WWOX: variants seen among roughly 807,000 people sequenced by gnomAD.
The protein encoded by WWOX is WW domain containing oxidoreductase.
Under a neutral mutation model 46.2 loss-of-function variants are expected in WWOX, and 69 were observed. That is an observed-to-expected ratio of 1.49 (90% CI 1.23 to 1.82). The LOEUF is 1.82. WWOX is among the 40% of genes most tolerant of loss of function. The pLI, the probability that WWOX is intolerant of heterozygous loss-of-function variation, is 0.00. For missense variants in WWOX, 919 were observed against 542.6 expected (o/e 1.69, Z -6.89); for synonymous variants, 359 against 202.6 (o/e 1.77, Z -6.56).
intron 8 of WWOX, among the ~76,000 whole-genome samples, chr16:78,670,334 C>T (rs1402223971): frequency 1.3e-5 from 2 of 152,162 alleles, no homozygotes; most frequent in African/African-American, 2.4e-5. Flanking sequence ...AAGGAAACAC[C>T]TTTCCAAGCT....
intron 5 of WWOX, among the ~76,000 whole-genome samples, chr16:78,375,260 G>T (rs986176491): frequency 6.6e-6 from 1 of 152,166 alleles, no homozygotes; most frequent in African/African-American, 2.4e-5. Context: ...GCACATATCC[G>T]TCACACGCAG....
chr16:78,323,470 T>A (rs1015860588), intron 5 of WWOX, among the ~76,000 whole-genome samples: 1 of 151,688 alleles, frequency 6.6e-6, no homozygotes. Context: ...TAAATTGTTA[T>A]CAGGAGACCC....
intron 8 of WWOX, among the ~76,000 whole-genome samples, chr16:78,619,956 C>A (rs971573252): frequency 3.3e-5 from 5 of 152,098 alleles, no homozygotes; most frequent in Non-Finnish European, 7.4e-5. Context: ...TAGGCCTTAT[C>A]TTTATCTGAG....
intron 8 of WWOX, among the ~76,000 whole-genome samples, chr16:78,548,706 T>A (rs2044106936): frequency 6.6e-6 from 1 of 152,214 alleles, no homozygotes; most frequent in Non-Finnish European, 1.5e-5. Flanking sequence ...TTTAATTAAT[T>A]TTGGAGATGA....
chr16:78,189,681 G>A (rs2035820205), intron 5 of WWOX, among the ~76,000 whole-genome samples: 1 of 152,054 alleles, frequency 6.6e-6, no homozygotes, highest in Non-Finnish European at 1.5e-5. Flanking sequence ...TTGAGTTGGA[G>A]TCTTGCTGTG....
chr16:78,619,771 T>A (rs1009837594), intron 8 of WWOX, among the ~76,000 whole-genome samples: 1 of 151,704 alleles, frequency 6.6e-6, no homozygotes, highest in South Asian at 2.1e-4. Context: ...AAATGAGACA[T>A]GGGGGTGCAT....
intron 7 of WWOX, among the ~76,000 whole-genome samples, chr16:78,426,353 C>T (rs1162052745): frequency 6.6e-6 from 1 of 152,142 alleles, no homozygotes; most frequent in Non-Finnish European, 1.5e-5. Context: ...TTTAAATGAG[C>T]TGGTATTTAA....
intron 8 of WWOX, among the ~76,000 whole-genome samples, chr16:78,575,876 A>G (rs927964776): frequency 4.6e-5 from 7 of 152,150 alleles, no homozygotes; most frequent in Non-Finnish European, 1.0e-4. Flanking sequence ...AAAAAAATCA[A>G]TTTTCGTAAG....
intron 8 of WWOX, among the ~76,000 whole-genome samples, chr16:79,085,169 C>T (rs1180383053): frequency 3.9e-5 from 6 of 152,118 alleles, no homozygotes; most frequent in East Asian, 1.9e-4. Flanking sequence ...GACAAAAACA[C>T]GGGAGTACCA....
intron 8 of WWOX, among the ~76,000 whole-genome samples, chr16:78,612,068 C>T (rs540755118): frequency 7.9e-5 from 12 of 152,278 alleles, no homozygotes; most frequent in Admixed American, 1.3e-4. Flanking sequence ...CTGGCATATC[C>T]TTTAGGATTC....
At chr16:79,109,502 C>A (rs972228003) in intron 8 of WWOX, among the ~76,000 whole-genome samples, 2 of 151,996 alleles carry the variant, frequency 1.3e-5, no homozygotes, top group African/African-American at 2.4e-5. Flanking sequence ...GTTGTTAATC[C>A]TCCGGGCTAA....
At chr16:78,617,233 G>T (rs2046047780) in intron 8 of WWOX, among the ~76,000 whole-genome samples, 4 of 152,002 alleles carry the variant, frequency 2.6e-5, no homozygotes, top group African/African-American at 9.7e-5. Context: ...GCAACACGGT[G>T]AAACTAAGAA....
intron 8 of WWOX, among the ~76,000 whole-genome samples, chr16:78,452,765 C>G (rs1208375366): frequency 1.3e-5 from 2 of 151,316 alleles, no homozygotes; most frequent in Non-Finnish European, 2.9e-5. Context: ...GCATGAACCA[C>G]TGTGCCTAGC....
At chr16:78,520,174 A>T (rs559926178) in intron 8 of WWOX, among the ~76,000 whole-genome samples, 110 of 152,314 alleles carry the variant, frequency 7.2e-4, no homozygotes, top group Middle Eastern at 6.8e-3. Context: ...TTCCTATGGG[A>T]TGAGTTCCCA....
Position 78,821,846 on chromosome 16 carries a change from A to G in WWOX, c.1056+389094A>G, listed in dbSNP as rs563547219. Among the ~76,000 whole-genome samples the G allele has an allele frequency of 3.8e-4, 58 of 152,258 alleles. 1 individual carries two copies. Among genetic ancestry groups the G allele is most frequent in the African/African-American group, 1.4e-3 (58 of 41,550 alleles). On this transcript the variant is annotated intron_variant, in intron 8 of 8. Coordinates refer to ENST00000566780, the MANE Select transcript of WWOX (RefSeq NM_016373.4). ...CAGGCTTCTGAGTCCAAAGCTAACAATTCTCATCTCCAATTCCCATCTTCA... is the reference window on the plus strand; with the variant it reads ...CAGGCTTCTGAGTCCAAAGCTAACAGTTCTCATCTCCAATTCCCATCTTCA...
chr16:78,510,913 A>G (rs1255440819), intron 8 of WWOX, among the ~76,000 whole-genome samples: 1 of 152,216 alleles, frequency 6.6e-6, no homozygotes, highest in Admixed American at 6.5e-5. Flanking sequence ...TCGCAAAGCC[A>G]CAAAGATGGT....
chr16:78,976,716 C>G lies in WWOX; in HGVS notation c.1057-234892C>G, dbSNP rs186121229. Among the ~76,000 whole-genome samples the G allele has an allele frequency of 9.2e-5, 14 of 152,292 alleles. No homozygotes were observed. The East Asian group carries it at 2.7e-3, about 29-fold the overall frequency. On this transcript the variant is annotated intron_variant, in intron 8 of 8. Coordinates refer to ENST00000566780, the MANE Select transcript of WWOX (RefSeq NM_016373.4). ...TGCCTGAGACCCACCAGGAGCTCAC[C>G]AGATACTACTTCTATCTTCCCCACT...
At chr16:79,045,952 C>T (rs2048058554) in intron 8 of WWOX, among the ~76,000 whole-genome samples, 1 of 151,970 alleles carries the variant, frequency 6.6e-6, no homozygotes, top group Non-Finnish European at 1.5e-5. Flanking sequence ...CAGGTGCACA[C>T]CACCATGGCT....
At chr16:78,420,505 G>A (rs1339181897) in intron 6 of WWOX, among the ~76,000 whole-genome samples, 1 of 152,148 alleles carries the variant, frequency 6.6e-6, no homozygotes, top group Non-Finnish European at 1.5e-5. Context: ...CCAAGGGACA[G>A]AAGCCAGTCA....
Sources: gnomAD v4.1 joint callset for allele counts (sites outside exome capture counted in the v4.1 genomes callset) on GRCh38, gnomAD v4.1.1 for gene constraint, MANE v1.5 for transcripts, NCBI Gene and HGNC (gene_info 2026-07-23, HGNC 2026-07-21) for gene names.